The following NDRG3 variants were observed in gnomAD, a reference collection of about 807,000 sequenced individuals.
NDRG3 encodes the protein protein NDRG3.
NDRG3 carries 23 observed loss-of-function variants against 57.2 expected under a neutral mutation model. That is an observed-to-expected ratio of 0.40 (90% CI 0.29 to 0.57). The LOEUF is 0.57. Among genes scored for constraint, NDRG3 ranks in the 20% least tolerant of loss-of-function variants. The pLI, the probability that NDRG3 is intolerant of heterozygous loss-of-function variation, is 0.42. For synonymous variants in NDRG3, 132 were observed against 162.6 expected (o/e 0.81, Z 1.43); for missense variants, 384 against 457.3 (o/e 0.84, Z 1.46).
intron 2 of NDRG3, among the ~76,000 whole-genome samples, chr20:36,717,947 A>G (rs920096653): frequency 4.6e-5 from 7 of 152,198 alleles, no homozygotes; most frequent in Non-Finnish European, 8.8e-5. Context: ...ACAACAAACA[A>G]TTATCCAACC....
At chr20:36,743,731 T>G (rs927703895) in intron 1 of NDRG3, among the ~76,000 whole-genome samples, 6 of 147,896 alleles carry the variant, frequency 4.1e-5, no homozygotes, top group Non-Finnish European at 8.9e-5. Flanking sequence ...GGCAGGAGAA[T>G]GGCGTGAATC....
intron 1 of NDRG3, among the ~76,000 whole-genome samples, chr20:36,728,449 G>T (rs1985077651): frequency 6.6e-6 from 1 of 152,214 alleles, no homozygotes. Context: ...ATGCCTGGAA[G>T]AAGTGACAAA....
intron 2 of NDRG3, among the ~76,000 whole-genome samples, chr20:36,712,623 T>G (rs1983993236): frequency 9.9e-6 from 1 of 100,666 alleles, no homozygotes; most frequent in South Asian, 3.7e-4. Context: ...TGAGACGGAG[T>G]CTTGATCTGC....
chr20:36,671,074 G>A (rs187943448), intron 9 of NDRG3, among the ~76,000 whole-genome samples: 17 of 152,298 alleles, frequency 1.1e-4, no homozygotes, highest in African/African-American at 3.1e-4. Flanking sequence ...GGGGAGGCAC[G>A]TGATGTCAAA....
intron 1 of NDRG3, among the ~76,000 whole-genome samples, chr20:36,737,507 C>T (rs1985667755): frequency 1.3e-5 from 2 of 152,242 alleles, no homozygotes; most frequent in East Asian, 1.9e-4. Context: ...TGCCAGGTAC[C>T]GTGATAAGCA....
intron 3 of NDRG3, among the ~76,000 whole-genome samples, chr20:36,695,704 A>G (rs1372743833): frequency 6.6e-6 from 1 of 152,220 alleles, no homozygotes; most frequent in African/African-American, 2.4e-5. Flanking sequence ...GATGTTTATC[A>G]ATGACAATGC....
At chr20:36,738,595 G>A (rs1288698756) in intron 1 of NDRG3, among the ~76,000 whole-genome samples, 1 of 150,824 alleles carries the variant, frequency 6.6e-6, no homozygotes, top group African/African-American at 2.4e-5. Context: ...GGCCGGGGTG[G>A]GCGGATCACT....
At chr20:36,725,619 G>GA (rs922253409) in intron 1 of NDRG3, among the ~76,000 whole-genome samples, 3 of 142,006 alleles carry the variant, frequency 2.1e-5, no homozygotes, top group Admixed American at 7.0e-5. Context: ...AAAAAAAAAA[G>GA]AAAAAAAAGA....
rs886209313 is a variant in NDRG3 at position 36,653,253 on chromosome 20, G to A, written c.*267C>T. 2.9e-5 allele frequency: 10 copies of A among 342,654 alleles called. No individual in the cohort carries two copies. Among genetic ancestry groups the A allele is most frequent in the African/African-American group, 1.4e-4 (7 of 48,332 alleles). The allele number at this position is 342,654 out of a possible 1,614,324, so 21.2% of individuals were successfully genotyped here. A position where few individuals can be genotyped will look rare whatever the true frequency, so the allele number is the denominator to read the frequency against. The stretch of plus-strand genomic sequence containing the variant: ...ATCTGATACATAGTTGGGGGAGCAC[G>A]GGAAAAAGCTGGCAAGAGAGGATAT... On this transcript the variant is annotated 3_prime_UTR_variant, in exon 16 of 16. Coordinates refer to ENST00000349004, the MANE Select transcript of NDRG3 (RefSeq NM_032013.4). This position sits in a 1 kb window ranked among gnomAD's most constrained non-coding sequence, Gnocchi z 4.2.
Position 36,666,339 on chromosome 20 carries a change from G to C in NDRG3, c.642C>G (p.Ala214=), listed in dbSNP as rs768325283. The C allele has an allele frequency of 1.9e-6, 3 of 1,614,126 alleles. No individual in the cohort carries two copies. The Admixed American group carries it at 5.0e-5, about 27-fold the overall frequency. ...GCAGGTTGTCTTGGTTGATGTCTTG[G>C]GCAATATGCATTCTGTAGGTTTGGA... ...DLIQTYRMHI[A]QDINQDNLQL... The change falls in exon 10 of 16, where the codon GCC becomes GCG. Residue 214 remains alanine, a synonymous_variant. Coordinates refer to ENST00000349004, the MANE Select transcript of NDRG3 (RefSeq NM_032013.4).
chr20:36,671,314 G>A, intron 9 of NDRG3, 27 bp downstream of exon 9: 1 of 1,588,678 alleles, frequency 6.3e-7, no homozygotes, highest in Non-Finnish European at 8.6e-7. Context: ...AATAAACACA[G>A]CTCTTCTGGG....
intron 1 of NDRG3, among the ~76,000 whole-genome samples, chr20:36,726,700 C>T (rs1334498122): frequency 6.6e-6 from 1 of 152,022 alleles, no homozygotes; most frequent in Non-Finnish European, 1.5e-5. Flanking sequence ...TTATAAATTG[C>T]AGTCAATAAT....
At chr20:36,721,485 C>T (rs967788923) in intron 2 of NDRG3, among the ~76,000 whole-genome samples, 194 bp downstream of exon 2, 8 of 151,594 alleles carry the variant, frequency 5.3e-5, no homozygotes, top group Non-Finnish European at 1.2e-4. Flanking sequence ...GCCGAGATTG[C>T]ACCACCGCAC....
At chr20:36,740,992 TG>T (rs960771417) in intron 1 of NDRG3, among the ~76,000 whole-genome samples, 25 of 151,474 alleles carry the variant, frequency 1.7e-4, no homozygotes, top group African/African-American at 5.1e-4. Context: ...AAAAGAAAGG[TG>T]GGGGGGGAAT....
chr20:36,739,136 A>G (rs1440295202), intron 1 of NDRG3, among the ~76,000 whole-genome samples: 1 of 110,090 alleles, frequency 9.1e-6, no homozygotes, highest in Non-Finnish European at 1.7e-5. Context: ...CCCCATCTCA[A>G]AAAAAAAAAA....
At chr20:36,705,635 C>G (rs1285259480) in intron 3 of NDRG3, among the ~76,000 whole-genome samples, 2 of 152,210 alleles carry the variant, frequency 1.3e-5, no homozygotes, top group Non-Finnish European at 2.9e-5. Flanking sequence ...CTTCATGTCA[C>G]TTCTGTTACT....
Position 36,673,209 on chromosome 20 carries a change from G to C in NDRG3, c.532-1812C>G, listed in dbSNP as rs532586467. Among the ~76,000 whole-genome samples the C allele has an allele frequency of 1.4e-4, 21 of 152,202 alleles. No homozygotes were observed. The South Asian group carries it at 3.7e-3, about 27-fold the overall frequency. On this transcript the variant is annotated intron_variant, in intron 8 of 15. Coordinates refer to ENST00000349004, the MANE Select transcript of NDRG3 (RefSeq NM_032013.4). ...CAGGCTGTGAGAAGGAATTTCCATA[G>C]CATCTGGCAATAGCACTGTTAATGT...
intron 10 of NDRG3, among the ~76,000 whole-genome samples, chr20:36,665,914 G>T (rs1046807807): frequency 2.6e-5 from 4 of 152,104 alleles, no homozygotes; most frequent in African/African-American, 9.7e-5. Context: ...TTAATTTACA[G>T]GAATAAATTC....
Position 36,706,987 on chromosome 20 carries a change from C to T in NDRG3, c.78G>A (p.Gln26=). 1 of 1,613,708 alleles carries T rather than the reference C, an allele frequency of 6.2e-7. No individual in the cohort carries two copies. The highest frequency in any genetic ancestry group is 8.5e-7 in the Non-Finnish European group (1 of 1,179,648). The change falls in exon 3 of 16, where the codon CAG becomes CAA. Residue 26 remains glutamine, a synonymous_variant. Coordinates refer to ENST00000349004, the MANE Select transcript of NDRG3 (RefSeq NM_032013.4). ...CAGTCCTTACCTGACAGTCAAAGTC[C>T]TGGAAGTTTCTTGTACCATTCTGTC... is the stretch of plus-strand genomic sequence containing the variant. The part of the protein sequence containing the change: ...LNDKNGTRNF[Q]DFDCQEHDIE...
Sources: allele counts gnomAD v4.1 joint callset (sites outside exome capture counted in the v4.1 genomes callset), GRCh38; gene constraint gnomAD v4.1.1; non-coding constraint Gnocchi (gnomAD v3.1); transcripts MANE v1.5; gene names NCBI Gene and HGNC (gene_info 2026-07-23, HGNC 2026-07-21).